The following ACBD5 variants were observed in gnomAD, a reference collection of about 807,000 sequenced individuals.
The protein encoded by ACBD5 is acyl-CoA-binding domain-containing protein 5.
In ACBD5, 40 loss-of-function variants were observed where a neutral mutation model predicts 71.8. That is an observed-to-expected ratio of 0.56 (90% confidence interval 0.43 to 0.72). ACBD5 has a LOEUF of 0.72. Among genes scored for constraint, ACBD5 ranks in the 30% least tolerant of loss-of-function variants. The probability of loss-of-function intolerance (pLI) is 0.00; values close to 1 mark genes in which losing one functional copy is unlikely to be tolerated. For synonymous variants in ACBD5, 229 were observed against 218.6 expected, an observed-to-expected ratio of 1.05 and a Z score of -0.42; for missense variants, 559 against 644.5, an observed-to-expected ratio of 0.87 and a Z score of 1.44.
intron 13 of ACBD5, among the ~76,000 whole-genome samples, chr10:27,186,201 C>T (rs1408563924): frequency 6.6e-6 from 1 of 152,156 alleles, no homozygotes; most frequent in Non-Finnish European, 1.5e-5. Flanking sequence ...TTCAAAATGG[C>T]CCATGTAGAC....
intron 2 of ACBD5, among the ~76,000 whole-genome samples, chr10:27,239,626 C>T (rs536258405): frequency 2.0e-5 from 3 of 152,076 alleles, no homozygotes; most frequent in African/African-American, 7.2e-5. Context: ...AATTACTTCA[C>T]AATTGACTAT....
intron 5 of ACBD5, 94 bp from the exon 6 acceptor site, chr10:27,219,951 T>A: frequency 8.8e-7 from 1 of 1,137,370 alleles, no homozygotes; most frequent in Non-Finnish European, 1.2e-6. Context: ...AAATAACTAA[T>A]AAAATAATTT....
Position 27,211,178 on chromosome 10 carries a change from T to C in ACBD5, c.937-97A>G, listed in dbSNP as rs1377144117. On this transcript the variant is annotated intron_variant, in intron 8 of 12. Transcript: ENST00000396271. ...TAGGAGAAATACTGTTTTCCTAAAA[T>C]GTTCTTTCATGTTATTATTGGAAAT... 4 of 1,203,298 alleles carry C rather than the reference T, an allele frequency of 3.3e-6. No homozygotes were observed. In the African/African-American group the frequency reaches 4.6e-5, roughly 14 times the overall value. The allele number at this position is 1,203,298 out of a possible 1,614,324, so 74.5% of individuals were successfully genotyped here. A position where few individuals can be genotyped will look rare whatever the true frequency, so the allele number is the denominator to read the frequency against.
chr10:27,211,311 T>G (rs1353846666), intron 8 of ACBD5, among the ~76,000 whole-genome samples: 1 of 152,028 alleles, frequency 6.6e-6, no homozygotes, highest in Non-Finnish European at 1.5e-5. Context: ...GCTTGGGTAG[T>G]AAATTGTTTT....
At chr10:27,212,261 A>G (rs1167883903) in intron 8 of ACBD5, among the ~76,000 whole-genome samples, 1 of 152,200 alleles carries the variant, frequency 6.6e-6, no homozygotes, top group East Asian at 1.9e-4. Flanking sequence ...AGGCACAAGA[A>G]TCACTTGAAC....
chr10:27,198,896 G>A (rs954771723), intron 12 of ACBD5, among the ~76,000 whole-genome samples: 17 of 152,074 alleles, frequency 1.1e-4, no homozygotes, highest in Non-Finnish European at 1.6e-4. Flanking sequence ...GGATCACGAG[G>A]TTGGGAGATC....
At chr10:27,213,411 G>A (rs6482606) in intron 8 of ACBD5, among the ~76,000 whole-genome samples, 10,607 of 152,222 alleles carry the variant, frequency 0.07, 693 homozygotes, top group African/African-American at 0.17. Flanking sequence ...TTGTCGGTGA[G>A]AATGTAAAAT....
At chr10:27,223,104 G>C in intron 5 of ACBD5, 1 of 685,444 alleles carries the variant, frequency 1.5e-6, no homozygotes, top group Non-Finnish European at 2.7e-6. Context: ...TGCCTGGAAT[G>C]AAAACTCCTG....
Position 27,197,081 on chromosome 10 carries a change from C to T in ACBD5, c.*349G>A. On this transcript the variant is annotated 3_prime_UTR_variant, in exon 13 of 13. Transcript: ENST00000396271. ...TTTGATCTCATTATCACAATGGTAC[C>T]TTTGAAAAGCAGCTTATGTTACTCT... 1 of 465,484 alleles carries T rather than the reference C, an allele frequency of 2.1e-6. No individual in the cohort carries two copies. The highest frequency in any genetic ancestry group is 1.7e-5 in the South Asian group (1 of 58,224). The allele number at this position is 465,484 out of a possible 1,614,324, so 28.8% of individuals were successfully genotyped here. A position where few individuals can be genotyped will look rare whatever the true frequency, so the allele number is the denominator to read the frequency against.
downstream of ACBD5, chr10:27,193,404 C>G (rs986762622): frequency 1.3e-5 from 2 of 150,812 alleles, no homozygotes; most frequent in East Asian, 3.9e-4. Context: ...CCAGCCTGGG[C>G]AACAGAGCGA....
chr10:27,240,711 T>C lies in ACBD5; in HGVS notation c.-23A>G. The C allele has an allele frequency of 6.5e-7, 1 of 1,544,424 alleles. No individual in the cohort carries two copies. The highest frequency in any genetic ancestry group is 8.7e-7 in the Non-Finnish European group (1 of 1,145,658). On this transcript the variant is annotated 5_prime_UTR_variant, in exon 1 of 13. Coordinates refer to ENST00000396271, the MANE Select transcript of ACBD5 (RefSeq NM_145698.5). This position sits in a 1 kb window ranked among gnomAD's most constrained non-coding sequence, Gnocchi z 4.1. ...CATGTCTAGCAGAAGACAGAGGGGG[T>C]CCGGGCATCGGTGGCCGCGGAGCCG...
intron 5 of ACBD5, among the ~76,000 whole-genome samples, chr10:27,221,049 A>G (rs2062271147): frequency 3.3e-5 from 5 of 152,234 alleles, no homozygotes; most frequent in Admixed American, 3.3e-4. Context: ...TATTTTCTGA[A>G]GATCAAAGGA....
intron 8 of ACBD5, among the ~76,000 whole-genome samples, 181 bp downstream of exon 8, chr10:27,215,354 T>G (rs559721726): frequency 6.6e-6 from 1 of 152,288 alleles, no homozygotes; most frequent in East Asian, 1.9e-4. Flanking sequence ...TCTTTGACTT[T>G]TCCAGAATTT....
intron 12 of ACBD5, 123 bp downstream of exon 12, chr10:27,204,316 AG>A: frequency 1.4e-6 from 1 of 716,952 alleles, no homozygotes; most frequent in Non-Finnish European, 2.5e-6. Flanking sequence ...GGATAAATAT[AG>A]AATGTTCACT....
chr10:27,236,867 T>C (rs1376714896), intron 2 of ACBD5, among the ~76,000 whole-genome samples: 5 of 125,110 alleles, frequency 4.0e-5, no homozygotes, highest in Non-Finnish European at 7.9e-5. Flanking sequence ...CCTGGGCAGC[T>C]GAGCAAGACT....
At chr10:27,193,114 CGTGT>C (rs58983291), downstream of ACBD5, among the ~76,000 whole-genome samples, 3,899 of 80,116 alleles carry the variant, frequency 0.049, 176 homozygotes, top group Middle Eastern at 0.1. Flanking sequence ...TTCCTTCCTT[CGTGT>C]GTGTGTGTGT....
upstream of ACBD5, chr10:27,240,826 C>T: frequency 7.5e-7 from 1 of 1,329,124 alleles, no homozygotes. The surrounding 1 kb of genome is among the most constrained non-coding windows in gnomAD (Gnocchi z 4.1). Context: ...CACAGCCCCG[C>T]CCCAGAGTCA....
rs1554855467 is a variant in ACBD5, at chr10:27,228,270, A to AC, written c.375+3477dup. On this transcript the variant is annotated intron_variant, in intron 4 of 12. Coordinates refer to ENST00000396271, the MANE Select transcript of ACBD5 (RefSeq NM_145698.5). ...TCCCCAGAAGAGAGCCTAAATTTGT[A>AC]CAAAAAAAAAAAAATAGAATTTTGG... is the stretch of plus-strand genomic sequence containing the variant. Among the ~76,000 whole-genome samples, 66 of 49,186 alleles carry AC rather than the reference A, an allele frequency of 1.3e-3. 2 individuals carry two copies. The East Asian group carries it at 0.043, about 32-fold the overall frequency. The allele number at this position is 49,186 out of a possible 152,430, so 32.3% of individuals were successfully genotyped here. A position where few individuals can be genotyped will look rare whatever the true frequency, so the allele number is the denominator to read the frequency against.
intron 8 of ACBD5, among the ~76,000 whole-genome samples, chr10:27,212,806 C>T (rs1379876122): frequency 6.6e-6 from 1 of 152,156 alleles, no homozygotes; most frequent in Non-Finnish European, 1.5e-5. Flanking sequence ...GCCTCGGCCT[C>T]CCACAGTGTT....
Sources: gnomAD v4.1 joint callset for allele counts (sites outside exome capture counted in the v4.1 genomes callset) on GRCh38, gnomAD v4.1.1 for gene constraint, Gnocchi (gnomAD v3.1) non-coding constraint, MANE v1.5 for transcripts, NCBI Gene and HGNC (gene_info 2026-07-23, HGNC 2026-07-21) for gene names.